WIPI1: variants seen among roughly 807,000 people sequenced by gnomAD.
WIPI1 encodes the protein WD repeat domain, phosphoinositide interacting 1.
Under a neutral mutation model 55.3 loss-of-function variants are expected in WIPI1, and 45 were observed. The ratio of observed to expected loss-of-function variants is 0.81; its 90% confidence interval spans 0.64 to 1.04. The LOEUF is 1.04. Ranked by LOEUF, WIPI1 falls within the 50% of genes least tolerant of loss-of-function variation. The pLI, the probability that WIPI1 is intolerant of heterozygous loss-of-function variation, is 0.00. For missense variants in WIPI1, 445 were observed against 559.0 expected (o/e 0.80, Z 2.06); for synonymous variants, 195 against 217.6 (o/e 0.90, Z 0.92).
intron 4 of WIPI1, chr17:68,440,851 CA>C (rs1240565581): frequency 2.0e-5 from 3 of 152,204 alleles, no homozygotes; most frequent in Non-Finnish European, 1.5e-5. Flanking sequence ...TTATAAAATG[CA>C]GTTCCCTCTG....
Position 68,429,981 on chromosome 17 carries a change from T to G in WIPI1, c.965+15A>C, listed in dbSNP as rs767261510. 1.9e-6 allele frequency: 3 copies of G among 1,613,890 alleles called. No homozygotes were observed. The highest frequency in any genetic ancestry group is 2.5e-6 in the Non-Finnish European group (3 of 1,179,934). The stretch of plus-strand genomic sequence containing the variant: ...AAAGTGTGGTCTTGTTCAGAGTGGG[T>G]GTCATTGTACGTACGTTGAGAGGGT... On this transcript the variant is annotated intron_variant, in intron 9 of 12. Transcript: ENST00000262139.
At position 68,421,825 on chromosome 17, in the gene WIPI1, CA is replaced by C; in HGVS notation, c.1294-6del. The C allele has an allele frequency of 6.2e-7, 1 of 1,614,116 alleles. No homozygotes were observed. ...ATTTCCACGGCACAAGATTATCTAC[CA>C]AAATCAAAACAGAATGGCCTTACTC... is the stretch of plus-strand genomic sequence containing the variant. On this transcript the variant is annotated splice_polypyrimidine_tract_variant and splice_region_variant and intron_variant, in intron 12 of 12. Coordinates refer to ENST00000262139, the MANE Select transcript of WIPI1 (RefSeq NM_017983.7).
In WIPI1 at chr17:68,444,534, T is replaced by G. The variant is rs1235582559; in HGVS notation, c.389A>C (p.Lys130Thr). 1 of 1,614,012 alleles carries G rather than the reference T, an allele frequency of 6.2e-7. No homozygotes were observed. Among genetic ancestry groups the G allele is most frequent in the Non-Finnish European group, 8.5e-7 (1 of 1,180,020 alleles). Residue 130 changes from lysine to threonine, a missense_variant, in exon 4 of 13, where the codon AAG becomes ACG. Coordinates refer to ENST00000262139, the MANE Select transcript of WIPI1 (RefSeq NM_017983.7). Reference protein sequence around the residue: ...SIYIHNIKDMKLLKTLLDIPA... With the variant: ...SIYIHNIKDMTLLKTLLDIPA... ...AATATCCAGGAGGGTCTTCAACAGCTTCATGTCTTTAATGTTGTGAATATA... is the reference window on the plus strand; with the variant it reads ...AATATCCAGGAGGGTCTTCAACAGCGTCATGTCTTTAATGTTGTGAATATA...
At chr17:68,427,543 G>A in intron 10 of WIPI1, 1 of 232,326 alleles carries the variant, frequency 4.3e-6, no homozygotes, top group Non-Finnish European at 8.6e-6. Flanking sequence ...TTTTAGTAGA[G>A]ACTGGGTTTC....
chr17:68,442,585 G>A (rs149527269), intron 4 of WIPI1, among the ~76,000 whole-genome samples: 2 of 152,118 alleles, frequency 1.3e-5, no homozygotes, highest in Non-Finnish European at 2.9e-5. Flanking sequence ...GGCATTTACT[G>A]TCCACTCCCC....
intron 4 of WIPI1, among the ~76,000 whole-genome samples, chr17:68,437,478 C>G (rs953516645): frequency 1.3e-5 from 2 of 151,828 alleles, no homozygotes; most frequent in African/African-American, 4.8e-5. Context: ...TTGCTTAAAC[C>G]TGGAGGTGGA....
rs2147638986 is a variant in WIPI1, at chr17:68,421,603, T to C, written c.*170A>G. 2.4e-6 allele frequency: 2 copies of C among 842,732 alleles called. No individual in the cohort carries two copies. Among genetic ancestry groups the C allele is most frequent in the Non-Finnish European group, 3.8e-6 (2 of 519,550 alleles). The allele number at this position is 842,732 out of a possible 1,614,324, so 52.2% of individuals were successfully genotyped here. On this transcript the variant is annotated 3_prime_UTR_variant, in exon 13 of 13. Coordinates refer to ENST00000262139, the MANE Select transcript of WIPI1 (RefSeq NM_017983.7). ...CCGCGCCCATTGGCAACCAGGGTCGTGGGAAGCTTGGTGAGGAGTTAACCA... is the reference window on the plus strand; with the variant it reads ...CCGCGCCCATTGGCAACCAGGGTCGCGGGAAGCTTGGTGAGGAGTTAACCA...
chr17:68,448,961 G>T (rs1462548790), intron 3 of WIPI1, among the ~76,000 whole-genome samples: 2 of 152,076 alleles, frequency 1.3e-5, no homozygotes, highest in Non-Finnish European at 2.9e-5. Context: ...TCTTTCTCCA[G>T]CTATTTTTCA....
intron 9 of WIPI1, among the ~76,000 whole-genome samples, chr17:68,429,188 G>A (rs749287663): frequency 1.3e-5 from 2 of 152,130 alleles, no homozygotes; most frequent in East Asian, 1.9e-4. Context: ...GCGACCCTGC[G>A]AGAAGCAATA....
At chr17:68,453,407 T>C (rs2084563465) in intron 1 of WIPI1, among the ~76,000 whole-genome samples, 1 of 151,992 alleles carries the variant, frequency 6.6e-6, no homozygotes, top group South Asian at 2.1e-4. Context: ...ACCAGATAAA[T>C]CAGTTTTTCT....
At chr17:68,427,018 A>G in intron 11 of WIPI1, 117 bp downstream of exon 11, 1 of 805,424 alleles carries the variant, frequency 1.2e-6, no homozygotes, top group Non-Finnish European at 2.0e-6. Flanking sequence ...GGGGAAGGGG[A>G]GGGAGGGCAC....
At chr17:68,435,359 G>A (rs145789943) in intron 6 of WIPI1, among the ~76,000 whole-genome samples, 236 of 152,308 alleles carry the variant, frequency 1.5e-3, no homozygotes, top group African/African-American at 5.5e-3. Flanking sequence ...TGATGTACAC[G>A]TACATTTCTT....
At chr17:68,443,733 A>G (rs1413653154) in intron 4 of WIPI1, among the ~76,000 whole-genome samples, 1 of 152,222 alleles carries the variant, frequency 6.6e-6, no homozygotes, top group Non-Finnish European at 1.5e-5. Context: ...ATGATACTAA[A>G]CTGAAATATA....
intron 12 of WIPI1, chr17:68,422,102 C>T (rs2082824192): frequency 7.5e-6 from 3 of 398,274 alleles, no homozygotes; most frequent in East Asian, 8.9e-5. Context: ...GCTCATCTTA[C>T]TTGTAAACAT....
At chr17:68,425,382 CTTTTTTTT>C (rs112331284) in intron 12 of WIPI1, among the ~76,000 whole-genome samples, 12 of 132,294 alleles carry the variant, frequency 9.1e-5, no homozygotes, top group African/African-American at 3.1e-4. Context: ...TTTTTCTTTT[CTTTTTTTT>C]TTTTTTTTTT....
At chr17:68,439,312 T>C (rs2083972822) in intron 4 of WIPI1, among the ~76,000 whole-genome samples, 1 of 152,210 alleles carries the variant, frequency 6.6e-6, no homozygotes, top group African/African-American at 2.4e-5. Context: ...AAATAAAGTA[T>C]TGATACATGC....
chr17:68,454,928 G>T (rs2084609166), intron 1 of WIPI1, among the ~76,000 whole-genome samples: 1 of 152,064 alleles, frequency 6.6e-6, no homozygotes, highest in African/African-American at 2.4e-5. Flanking sequence ...TTGATCAATG[G>T]CCACAAAAGA....
chr17:68,429,891 G>A, intron 9 of WIPI1, 105 bp downstream of exon 9: 1 of 1,545,152 alleles, frequency 6.5e-7, no homozygotes, highest in East Asian at 2.3e-5. Flanking sequence ...GCCCAGCCTG[G>A]GGCAAGTTTT....
At position 68,457,451 on chromosome 17, in the gene WIPI1, G is replaced by C. The variant is rs1364872198; in HGVS notation, c.-30C>G. 4.1e-6 allele frequency: 6 copies of C among 1,471,976 alleles called. No individual in the cohort carries two copies. The highest frequency in any genetic ancestry group is 5.4e-6 in the Non-Finnish European group (6 of 1,111,278). 91.2% of individuals were successfully genotyped at this position (1,471,976 alleles called of 1,614,324 possible). On this transcript the variant is annotated 5_prime_UTR_variant, in exon 1 of 13. Transcript: ENST00000262139. ...GGCTCGGCCCGGGAAGCCGCAGCTCGGAGCCGGCGACAGCCACCTCAGCAG... is the reference window on the plus strand; with the variant it reads ...GGCTCGGCCCGGGAAGCCGCAGCTCCGAGCCGGCGACAGCCACCTCAGCAG...
Sources: allele counts gnomAD v4.1 joint callset (sites outside exome capture counted in the v4.1 genomes callset), GRCh38; gene constraint gnomAD v4.1.1; transcripts MANE v1.5; gene names NCBI Gene and HGNC (gene_info 2026-07-23, HGNC 2026-07-21).